CSMD1: variants seen among roughly 807,000 people sequenced by gnomAD.
The protein encoded by CSMD1 is CUB and sushi domain-containing protein 1.
CSMD1 carries 213 observed loss-of-function variants against 417.5 expected under a neutral mutation model. The observed-to-expected ratio is 0.51, with a 90% CI of 0.46 to 0.57. The LOEUF is 0.57. Ranked by LOEUF, CSMD1 falls within the 20% of genes least tolerant of loss-of-function variation. CSMD1 has a pLI of 0.00. For synonymous variants in CSMD1, 2,862 were observed against 1,736.8 expected (o/e 1.65, Z -16.11); for missense variants, 6,923 against 4,529.7 (o/e 1.53, Z -15.17).
chr8:3,315,725 C>G (rs1022362293), intron 23 of CSMD1, among the ~76,000 whole-genome samples: 1 of 152,018 alleles, frequency 6.6e-6, no homozygotes, highest in Non-Finnish European at 1.5e-5. Context: ...GGTAAAACAT[C>G]AAAAAGCCTG....
intron 4 of CSMD1, 28 bp from the exon 5 acceptor site, chr8:3,998,138 A>G (rs911127900): frequency 2.0e-6 from 3 of 1,536,672 alleles, no homozygotes; most frequent in Admixed American, 3.9e-5. Flanking sequence ...GAAAGAAAGC[A>G]TCACATTTCA....
chr8:3,666,892 T>A (rs748983179), intron 7 of CSMD1, among the ~76,000 whole-genome samples: 2 of 152,126 alleles, frequency 1.3e-5, no homozygotes, highest in Non-Finnish European at 2.9e-5. Flanking sequence ...AGCATGAAAA[T>A]GAACTATTAC....
At chr8:4,958,279 A>C (rs916991235) in intron 1 of CSMD1, among the ~76,000 whole-genome samples, 1 of 152,206 alleles carries the variant, frequency 6.6e-6, no homozygotes, top group Non-Finnish European at 1.5e-5. Flanking sequence ...GAAAGTGCAC[A>C]TATTTGACAC....
intron 1 of CSMD1, among the ~76,000 whole-genome samples, chr8:4,785,368 G>A (rs1260570778): frequency 2.5e-4 from 38 of 152,138 alleles, no homozygotes; most frequent in Admixed American, 2.5e-3. Flanking sequence ...TGGTCTCAGA[G>A]CTGGTATGGA....
chr8:3,935,701 G>C (rs1466012777), intron 5 of CSMD1, among the ~76,000 whole-genome samples: 1 of 152,054 alleles, frequency 6.6e-6, no homozygotes, highest in Non-Finnish European at 1.5e-5. Context: ...GACTGGCCTG[G>C]TCACTCCCAC....
chr8:3,047,963 T>C (rs1415254260), intron 50 of CSMD1, among the ~76,000 whole-genome samples: 6 of 152,234 alleles, frequency 3.9e-5, no homozygotes, highest in African/African-American at 7.2e-5. Flanking sequence ...TTGACGGTGA[T>C]AGACTGAAGG....
At chr8:3,710,585 T>C (rs1223451271) in intron 6 of CSMD1, among the ~76,000 whole-genome samples, 1 of 152,156 alleles carries the variant, frequency 6.6e-6, no homozygotes, top group Non-Finnish European at 1.5e-5. Flanking sequence ...ACCTGCTTCC[T>C]CTCTGGTCTT....
At chr8:4,349,045 A>C (rs74364133) in intron 3 of CSMD1, among the ~76,000 whole-genome samples, 3,117 of 152,354 alleles carry the variant, frequency 0.02, 54 homozygotes, top group Middle Eastern at 0.075. Context: ...CATTCTTGCT[A>C]ATTTAGTTAG....
At chr8:4,842,352 G>T (rs1468094528) in intron 1 of CSMD1, among the ~76,000 whole-genome samples, 1 of 152,134 alleles carries the variant, frequency 6.6e-6, no homozygotes, top group East Asian at 1.9e-4. Flanking sequence ...ATCTGACTTT[G>T]GCTTAAATTA....
At chr8:3,032,461 G>A (rs1810403681) in intron 50 of CSMD1, among the ~76,000 whole-genome samples, 1 of 152,014 alleles carries the variant, frequency 6.6e-6, no homozygotes, top group Non-Finnish European at 1.5e-5. Flanking sequence ...CTGATTTGCT[G>A]TGGTCAATAA....
chr8:4,785,307 G>T (rs548999047), intron 1 of CSMD1, among the ~76,000 whole-genome samples: 1 of 152,274 alleles, frequency 6.6e-6, no homozygotes, highest in African/African-American at 2.4e-5. Context: ...CAAGTTACTG[G>T]GGTGCAAAGC....
intron 3 of CSMD1, among the ~76,000 whole-genome samples, chr8:4,320,764 G>A (rs1005867972): frequency 2.6e-5 from 4 of 152,062 alleles, no homozygotes; most frequent in Admixed American, 6.6e-5. Flanking sequence ...TCATTGACGG[G>A]CATTTGGATT....
At chr8:3,956,857 G>C (rs553935232) in intron 5 of CSMD1, among the ~76,000 whole-genome samples, 1 of 152,118 alleles carries the variant, frequency 6.6e-6, no homozygotes, top group South Asian at 2.1e-4. Flanking sequence ...TCCTGACTAG[G>C]AACTCCTTGG....
chr8:4,001,746 C>T (rs1815690176), intron 4 of CSMD1, among the ~76,000 whole-genome samples: 1 of 152,118 alleles, frequency 6.6e-6, no homozygotes, highest in African/African-American at 2.4e-5. Flanking sequence ...ACTAGGCTCA[C>T]TGAATCCAGG....
chr8:4,341,645 T>A (rs1334934155), intron 3 of CSMD1, among the ~76,000 whole-genome samples: 1 of 152,176 alleles, frequency 6.6e-6, no homozygotes, highest in African/African-American at 2.4e-5. Context: ...GGATATGCTC[T>A]TGTGTTCTAA....
chr8:3,906,735 A>T (rs893150213), intron 5 of CSMD1, among the ~76,000 whole-genome samples: 1 of 152,054 alleles, frequency 6.6e-6, no homozygotes, highest in Non-Finnish European at 1.5e-5. Flanking sequence ...GATTTTCCTC[A>T]TCTTTGATAC....
chr8:3,566,599 C>A (rs925982539), intron 10 of CSMD1, among the ~76,000 whole-genome samples: 19 of 146,188 alleles, frequency 1.3e-4, no homozygotes, highest in East Asian at 7.9e-4. Context: ...GAAAAAAAAA[C>A]CATTAAAAAG....
intron 1 of CSMD1, among the ~76,000 whole-genome samples, chr8:4,835,613 C>T (rs758058900): frequency 3.7e-4 from 57 of 152,186 alleles, no homozygotes; most frequent in Non-Finnish European, 6.0e-4. Flanking sequence ...TTTGCATATG[C>T]ATAACCTGAA....
At chr8:4,761,362 G>A (rs1048531596) in intron 1 of CSMD1, among the ~76,000 whole-genome samples, 5 of 127,458 alleles carry the variant, frequency 3.9e-5, no homozygotes, top group Non-Finnish European at 6.5e-5. Flanking sequence ...TCTTGAAATC[G>A]TGTTACTTGG....
Sources: allele counts gnomAD v4.1 joint callset (sites outside exome capture counted in the v4.1 genomes callset), GRCh38; gene constraint gnomAD v4.1.1; transcripts MANE v1.5; gene names NCBI Gene and HGNC (gene_info 2026-07-23, HGNC 2026-07-21).